ADAMTS9: variants seen among roughly 807,000 people sequenced by gnomAD.
ADAMTS9 encodes ADAM metallopeptidase with thrombospondin type 1 motif 9.
In ADAMTS9, 107 loss-of-function variants were observed where a neutral mutation model predicts 257.1. The observed-to-expected ratio is 0.42, with a 90% CI of 0.36 to 0.49. ADAMTS9 has a LOEUF of 0.49. Ranked by LOEUF, ADAMTS9 falls within the 20% of genes least tolerant of loss-of-function variation. The pLI is 0.03. For synonymous variants in ADAMTS9, 982 were observed against 880.9 expected (o/e 1.11, Z -2.03); for missense variants, 2,353 against 2,469.1 (o/e 0.95, Z 1.00).
intron 16 of ADAMTS9, among the ~76,000 whole-genome samples, chr3:64,627,377 C>A (rs1192889801): frequency 7.3e-6 from 1 of 137,118 alleles, no homozygotes; most frequent in African/African-American, 3.2e-5. Flanking sequence ...TCCTTAAAAT[C>A]ATCAGATGAA....
chr3:64,657,003 G>A (rs1345036648), intron 4 of ADAMTS9, among the ~76,000 whole-genome samples: 1 of 152,116 alleles, frequency 6.6e-6, no homozygotes, highest in Non-Finnish European at 1.5e-5. Flanking sequence ...GAAAGAGGAA[G>A]TCTATACGGG....
chr3:64,678,047 G>A (rs1054194256), intron 3 of ADAMTS9, among the ~76,000 whole-genome samples: 1 of 152,166 alleles, frequency 6.6e-6, no homozygotes, highest in Non-Finnish European at 1.5e-5. Context: ...GCGTGTGAAA[G>A]TGTCACAGTC....
chr3:64,575,009 T>C (rs2083799701), intron 28 of ADAMTS9, among the ~76,000 whole-genome samples: 1 of 152,130 alleles, frequency 6.6e-6, no homozygotes, highest in Non-Finnish European at 1.5e-5. Flanking sequence ...AAAGCAAACA[T>C]ACAATCCCAT....
chr3:64,541,904 G>A lies in ADAMTS9; in HGVS notation c.5131C>T (p.Pro1711Ser), dbSNP rs1412820623. 1 of 1,614,144 alleles carries A rather than the reference G, an allele frequency of 6.2e-7. No individual in the cohort carries two copies. The highest frequency in any genetic ancestry group is 1.7e-5 in the Admixed American group (1 of 60,034). Residue 1711 changes from proline (P) to serine (S), a missense_variant, in exon 33 of 40, where the codon CCC (proline) becomes TCC (serine). By Grantham distance (74) the Pro-to-Ser change is moderately conservative. This residue lies in a region of ADAMTS9 where 1,402 missense variants were observed against 1,441.4 expected (regional missense o/e 0.97). Transcript: ENST00000498707. ...AGATCAGTGTGGCATAAGTGGCTGG[G>A]TTGGTCCTCATTGGTTAAACATTGC... ...SVQCLTNEDQ[P>S]SHLCHTDLKP...
chr3:64,621,786 AAAAAAAT>A (rs1439410359), intron 18 of ADAMTS9, among the ~76,000 whole-genome samples: 57 of 126,212 alleles, frequency 4.5e-4, no homozygotes, highest in African/African-American at 1.4e-3. Context: ...ATAAAAAAAT[AAAAAAAT>A]AAAAAGAAAA....
At chr3:64,530,140 A>G (rs1354870016) in intron 38 of ADAMTS9, among the ~76,000 whole-genome samples, 2 of 151,874 alleles carry the variant, frequency 1.3e-5, no homozygotes, top group Non-Finnish European at 2.9e-5. Context: ...TTGTGTTTTC[A>G]CAAGCCCTGC....
chr3:64,679,331 G>A (rs1394801755), intron 3 of ADAMTS9, among the ~76,000 whole-genome samples: 1 of 152,100 alleles, frequency 6.6e-6, no homozygotes, highest in Non-Finnish European at 1.5e-5. Flanking sequence ...AATGGGTCAC[G>A]GAATAAGACA....
At chr3:64,605,889 A>G (rs2084548622) in intron 23 of ADAMTS9, among the ~76,000 whole-genome samples, 1 of 152,250 alleles carries the variant, frequency 6.6e-6, no homozygotes, top group Admixed American at 6.5e-5. Flanking sequence ...TAACAATAAA[A>G]TATACAATTA....
intron 16 of ADAMTS9, among the ~76,000 whole-genome samples, chr3:64,631,201 G>A (rs1230173401): frequency 6.6e-6 from 1 of 152,140 alleles, no homozygotes; most frequent in Non-Finnish European, 1.5e-5. Flanking sequence ...ATTTGACTTG[G>A]GGCCTTTCTA....
chr3:64,542,770 C>T (rs1032873509), intron 32 of ADAMTS9, among the ~76,000 whole-genome samples: 2 of 151,996 alleles, frequency 1.3e-5, no homozygotes, highest in Non-Finnish European at 2.9e-5. Flanking sequence ...AAGATCAGAG[C>T]AGAACTGAAG....
At chr3:64,569,849 C>A (rs1220101827) in intron 28 of ADAMTS9, among the ~76,000 whole-genome samples, 1 of 152,094 alleles carries the variant, frequency 6.6e-6, no homozygotes, top group Non-Finnish European at 1.5e-5. Flanking sequence ...TTCTGAAAAT[C>A]TTAATGGAGT....
chr3:64,541,312 T>C lies in ADAMTS9; in HGVS notation c.5387+8A>G, dbSNP rs1475557432. The C allele has an allele frequency of 6.2e-7, 1 of 1,614,058 alleles. No individual in the cohort carries two copies. Among genetic ancestry groups the C allele is most frequent in the Non-Finnish European group, 8.5e-7 (1 of 1,179,966 alleles). The stretch of plus-strand genomic sequence containing the variant: ...GCCTCTGAGATCTTCTGAGCCTGGC[T>C]CTCCTACCTGTGCCCATAAACCTCG... On this transcript the variant is annotated splice_region_variant and intron_variant, in intron 35 of 39. Coordinates refer to ENST00000498707, the MANE Select transcript of ADAMTS9 (RefSeq NM_182920.2).
intron 30 of ADAMTS9, among the ~76,000 whole-genome samples, chr3:64,554,234 T>C (rs1425138989): frequency 6.6e-6 from 1 of 152,222 alleles, no homozygotes; most frequent in Non-Finnish European, 1.5e-5. Flanking sequence ...TAAAGAATGG[T>C]TAACTACTGT....
chr3:64,572,877 G>T (rs2083728513), intron 28 of ADAMTS9, among the ~76,000 whole-genome samples: 1 of 151,782 alleles, frequency 6.6e-6, no homozygotes, highest in South Asian at 2.1e-4. Context: ...CAAGAGATCA[G>T]GACCATTCTA....
intron 3 of ADAMTS9, among the ~76,000 whole-genome samples, chr3:64,663,451 C>A (rs1701274431): frequency 1.5e-5 from 2 of 136,916 alleles, no homozygotes; most frequent in Non-Finnish European, 1.5e-5. Flanking sequence ...TTTTTGACCA[C>A]TAAGGGGAAA....
chr3:64,541,021 A>G (rs919425951), intron 36 of ADAMTS9, 74 bp downstream of exon 36: 14 of 1,582,370 alleles, frequency 8.8e-6, no homozygotes, highest in East Asian at 4.5e-5. Flanking sequence ...CTGCTAGCCA[A>G]TGTGCAAGAC....
chr3:64,521,593 G>A (rs533708052), intron 39 of ADAMTS9: 15 of 152,418 alleles, frequency 9.8e-5, no homozygotes, highest in African/African-American at 3.6e-4. Flanking sequence ...TATACATGAT[G>A]AAATACTATG....
intron 16 of ADAMTS9, among the ~76,000 whole-genome samples, chr3:64,626,642 C>G (rs1248241966): frequency 1.3e-5 from 2 of 152,098 alleles, no homozygotes; most frequent in African/African-American, 4.8e-5. Context: ...TTCACCACTA[C>G]CCAATATATG....
intron 6 of ADAMTS9, among the ~76,000 whole-genome samples, chr3:64,655,073 T>C (rs1319527383): frequency 6.6e-6 from 1 of 152,336 alleles, no homozygotes; most frequent in South Asian, 2.1e-4. Flanking sequence ...TTTGAGATAG[T>C]AGCTACCATA....
Sources: gnomAD v4.1 joint callset for allele counts (sites outside exome capture counted in the v4.1 genomes callset) on GRCh38, gnomAD v4.1.1 for gene constraint, gnomAD v4.1.1 regional missense constraint, MANE v1.5 for transcripts, NCBI Gene and HGNC (gene_info 2026-07-23, HGNC 2026-07-21) for gene names.